Variants in CENPP observed in about 807,000 individuals in gnomAD.
CENPP encodes the protein centromere protein P.
In CENPP, 24 loss-of-function variants were observed where a neutral mutation model predicts 35.6. The observed-to-expected ratio is 0.67, with a 90% CI of 0.49 to 0.95. The LOEUF (loss-of-function observed/expected upper bound fraction) is 0.95, where lower values mean the gene tolerates loss of function less well. Among genes scored for constraint, CENPP ranks in the 40% least tolerant of loss-of-function variants. The pLI is 0.00. For synonymous variants in CENPP, 120 were observed against 125.5 expected (o/e 0.96, Z 0.29); for missense variants, 332 against 345.3 (o/e 0.96, Z 0.31).
At chr9:92,610,970 C>T (rs1851222573) in intron 5 of CENPP, 1 of 362,648 alleles carries the variant, frequency 2.8e-6, no homozygotes, top group African/African-American at 2.1e-5. Context: ...CCAGTCCTCT[C>T]CAGACCGTCT....
intron 5 of CENPP, chr9:92,415,029 T>C: frequency 1.4e-6 from 1 of 707,888 alleles, no homozygotes; most frequent in Non-Finnish European, 2.2e-6. Context: ...TTAAATTCAA[T>C]TCTGATCTTA....
intron 4 of CENPP, among the ~76,000 whole-genome samples, chr9:92,375,478 A>G (rs1437143422): frequency 6.6e-6 from 1 of 150,898 alleles, no homozygotes; most frequent in Non-Finnish European, 1.5e-5. Flanking sequence ...GTTTTTTTTT[A>G]ATAGAGATGG....
chr9:92,473,719 A>T (rs1251769551), intron 5 of CENPP, among the ~76,000 whole-genome samples: 1 of 152,144 alleles, frequency 6.6e-6, no homozygotes, highest in African/African-American at 2.4e-5. Context: ...AGCTCGTATT[A>T]GTCTCCCCTT....
In CENPP at chr9:92,619,523, T is replaced by C. The variant is rs1393367498; in HGVS notation, c.*6374T>C. 4 of 1,593,626 alleles carry C rather than the reference T, an allele frequency of 2.5e-6. No individual in the cohort carries two copies. The highest frequency in any genetic ancestry group is 1.1e-5 in the South Asian group (1 of 86,982). ...AGACAGGGAGACAGTGCAATCATGA[T>C]GGAGCAGTCCTTGGCAGTCATGGCG... On this transcript the variant is annotated 3_prime_UTR_variant, in exon 8 of 8. Coordinates refer to ENST00000375587, the MANE Select transcript of CENPP (RefSeq NM_001012267.3).
At chr9:92,409,177 C>A (rs1843381449) in intron 5 of CENPP, among the ~76,000 whole-genome samples, 1 of 152,032 alleles carries the variant, frequency 6.6e-6, no homozygotes, top group Admixed American at 6.6e-5. Context: ...GATATTTACA[C>A]CTAGGCAGAT....
chr9:92,437,776 T>G (rs989646332), intron 5 of CENPP, among the ~76,000 whole-genome samples: 2 of 152,084 alleles, frequency 1.3e-5, no homozygotes, highest in African/African-American at 4.8e-5. Flanking sequence ...AGTTATTTTT[T>G]GGAGACACTG....
chr9:92,485,980 T>C (rs113575966), intron 5 of CENPP, among the ~76,000 whole-genome samples: 6,028 of 152,360 alleles, frequency 0.04, 151 homozygotes, highest in Middle Eastern at 0.075. Context: ...CTTCACATTC[T>C]AAATGAATTG....
chr9:92,585,173 G>C (rs1443819502), intron 5 of CENPP, among the ~76,000 whole-genome samples: 1 of 152,230 alleles, frequency 6.6e-6, no homozygotes, highest in African/African-American at 2.4e-5. Context: ...GGACTGGGCT[G>C]TAATATTAGA....
chr9:92,398,949 C>A (rs1476724558), intron 5 of CENPP, among the ~76,000 whole-genome samples: 11 of 152,012 alleles, frequency 7.2e-5, no homozygotes, highest in African/African-American at 2.4e-4. Context: ...GTAATCCCAG[C>A]TACTCGGAGG....
intron 5 of CENPP, chr9:92,496,573 T>C: frequency 6.6e-7 from 1 of 1,512,048 alleles, no homozygotes; most frequent in Non-Finnish European, 8.8e-7. Flanking sequence ...AAAAATTTTG[T>C]TCTTAAAATA....
chr9:92,562,141 G>C (rs572206473), intron 5 of CENPP, among the ~76,000 whole-genome samples: 32 of 152,032 alleles, frequency 2.1e-4, no homozygotes, highest in African/African-American at 7.7e-4. Flanking sequence ...TAGGCCACTT[G>C]CCTCACAGTG....
At chr9:92,457,614 G>A in intron 5 of CENPP, 3 of 693,988 alleles carry the variant, frequency 4.3e-6, no homozygotes. Context: ...TGTATTTTCA[G>A]GTAAAGTAGA....
chr9:92,600,120 A>T, intron 5 of CENPP: 1 of 400,908 alleles, frequency 2.5e-6, no homozygotes, highest in Non-Finnish European at 4.3e-6. Flanking sequence ...AAACTTTATT[A>T]CAGACACTGA....
rs1851427224 is a variant in CENPP, at chr9:92,616,185, GAT to G, written c.*3038_*3039del. On this transcript the variant is annotated 3_prime_UTR_variant, in exon 8 of 8. Coordinates refer to ENST00000375587, the MANE Select transcript of CENPP (RefSeq NM_001012267.3). ...TTTTTCTTTGACTTCTGCAAAGTTA[GAT>G]AAATCAATCTCTTTTAAAAGAGAAG... 1.5e-6 allele frequency: 1 copy of G among 661,420 alleles called. No individual in the cohort carries two copies. The highest frequency in any genetic ancestry group is 1.8e-5 in the African/African-American group (1 of 54,866). 41.0% of individuals were successfully genotyped at this position (661,420 alleles called of 1,614,324 possible). A position where few individuals can be genotyped will look rare whatever the true frequency, so the allele number is the denominator to read the frequency against.
In CENPP at chr9:92,389,875, T is replaced by A. The variant is rs368962175; in HGVS notation, c.564+10016T>A. On this transcript the variant is annotated intron_variant, in intron 5 of 7. Transcript: ENST00000375587. ...TTACTTTGAATGCATTTGCTTTGAT[T>A]CCCCTACTCTTGATTTTGTTGTATT... The A allele has an allele frequency of 3.8e-5, 61 of 1,611,376 alleles. No homozygotes were observed. In the Middle Eastern group the frequency reaches 8.3e-4, roughly 22 times the overall value.
At chr9:92,541,888 G>C (rs982505365) in intron 5 of CENPP, among the ~76,000 whole-genome samples, 3 of 152,060 alleles carry the variant, frequency 2.0e-5, no homozygotes, top group Admixed American at 6.5e-5. Context: ...CCGCCTCCCA[G>C]GTTCAAGTGA....
intron 5 of CENPP, among the ~76,000 whole-genome samples, chr9:92,513,211 G>A (rs986107012): frequency 6.6e-6 from 1 of 152,280 alleles, no homozygotes; most frequent in Non-Finnish European, 1.5e-5. Context: ...TCCACTCAGA[G>A]CCCTCCCTGG....
intron 5 of CENPP, among the ~76,000 whole-genome samples, chr9:92,453,710 G>A (rs1047592835): frequency 6.6e-6 from 1 of 152,146 alleles, no homozygotes; most frequent in African/African-American, 2.4e-5. Context: ...AGGATACCCA[G>A]GAATTGAACT....
chr9:92,615,016 G>A lies in CENPP; in HGVS notation c.*1867G>A, dbSNP rs1363285637. On this transcript the variant is annotated 3_prime_UTR_variant, in exon 8 of 8. Transcript: ENST00000375587. ...GACACTGGAGTGTCAGGAAAGCACT[G>A]AGCTGTTGGGGCACACTGCCCAGCC... The A allele has an allele frequency of 3.3e-5, 5 of 152,224 alleles. No individual in the cohort carries two copies. The East Asian group carries it at 7.7e-4, about 23-fold the overall frequency. The allele number at this position is 152,224 out of a possible 1,614,324, so 9.4% of individuals were successfully genotyped here.
Sources: gnomAD v4.1 joint callset for allele counts (sites outside exome capture counted in the v4.1 genomes callset) on GRCh38, gnomAD v4.1.1 for gene constraint, MANE v1.5 for transcripts, NCBI Gene and HGNC (gene_info 2026-07-23, HGNC 2026-07-21) for gene names.